The following SHISA5 variants were observed in gnomAD, a reference collection of about 807,000 sequenced individuals.
SHISA5 encodes the protein protein shisa-5.
Under a neutral mutation model 27.5 loss-of-function variants are expected in SHISA5, and 21 were observed. That is an observed-to-expected ratio of 0.76 (90% CI 0.54 to 1.10). The LOEUF is 1.10. SHISA5 is among the 50% of genes least tolerant of loss of function. SHISA5 has a pLI of 0.00. For missense variants in SHISA5, 314 were observed against 336.3 expected (o/e 0.93, Z 0.52); for synonymous variants, 137 against 142.2 (o/e 0.96, Z 0.26).
chr3:48,503,250 AC>A, intron 1 of SHISA5: 5 of 1,112,028 alleles, frequency 4.5e-6, no homozygotes, highest in Middle Eastern at 4.5e-4. Context: ...ATGCTCTCTG[AC>A]CCCCAGACCT....
In SHISA5 at chr3:48,467,994, T is replaced by G; in HGVS notation, c.*1113A>C. 3.6e-6 allele frequency: 1 copy of G among 280,344 alleles called. No individual in the cohort carries two copies. Among genetic ancestry groups the G allele is most frequent in the Non-Finnish European group, 6.1e-6 (1 of 164,802 alleles). 17.4% of individuals were successfully genotyped at this position (280,344 alleles called of 1,614,324 possible). A position where few individuals can be genotyped will look rare whatever the true frequency, so the allele number is the denominator to read the frequency against. On this transcript the variant is annotated 3_prime_UTR_variant, in exon 6 of 6. Coordinates refer to ENST00000296444, the MANE Select transcript of SHISA5 (RefSeq NM_016479.6). ...TAGAGGGAGGAGGAACACGAGGTAT[T>G]CATGTCTGGGCCAGAGCTGCCATCC...
Position 48,473,441 on chromosome 3 carries a change from G to GT in SHISA5, c.315-3599dup, listed in dbSNP as rs2040716149. 1 of 1,298,494 alleles carries GT rather than the reference G, an allele frequency of 7.7e-7. No homozygotes were observed. The highest frequency in any genetic ancestry group is 1.5e-5 in the African/African-American group (1 of 66,210). 80.4% of individuals were successfully genotyped at this position (1,298,494 alleles called of 1,614,324 possible). ...CACTTCCACCTAACCCACCGGCCCT[G>GT]TTCCACCAGCCTCCAGGAGGAGCTT... is the stretch of plus-strand genomic sequence containing the variant. On this transcript the variant is annotated intron_variant, in intron 3 of 5. Transcript: ENST00000296444. The surrounding 1 kb of genome is among the most constrained non-coding windows in gnomAD (Gnocchi z 4.3).
rs760911873 is a variant in SHISA5, at chr3:48,501,090, G to C, written c.233+47C>G. ...TCTCTCTTCCACATACTCTCCTGTG[G>C]GGCACAGGCTCAAGCCACCCACCCT... is the stretch of plus-strand genomic sequence containing the variant. On this transcript the variant is annotated intron_variant, in intron 2 of 5. Coordinates refer to ENST00000296444, the MANE Select transcript of SHISA5 (RefSeq NM_016479.6). The C allele has an allele frequency of 3.0e-5, 47 of 1,560,340 alleles. No individual in the cohort carries two copies. The African/African-American group carries it at 6.0e-4, about 20-fold the overall frequency.
At chr3:48,479,959 G>C (rs146929144) in intron 2 of SHISA5, among the ~76,000 whole-genome samples, 1 of 145,040 alleles carries the variant, frequency 6.9e-6, no homozygotes, top group Non-Finnish European at 1.5e-5. Context: ...GCTGGAGTGC[G>C]GTGGCGCGAT....
At chr3:48,486,442 A>AATAT (rs2041242978) in intron 2 of SHISA5, among the ~76,000 whole-genome samples, 1 of 102,744 alleles carries the variant, frequency 9.7e-6, no homozygotes, top group Non-Finnish European at 1.8e-5. Context: ...ATATATTTAT[A>AATAT]ATATTATATA....
In SHISA5 at chr3:48,470,502, A is replaced by C. The variant is rs566371845; in HGVS notation, c.315-659T>G. Among the ~76,000 whole-genome samples the C allele has an allele frequency of 1.3e-5, 2 of 152,032 alleles. No homozygotes were observed. Among genetic ancestry groups the C allele is most frequent in the African/African-American group, 4.8e-5 (2 of 41,402 alleles). On this transcript the variant is annotated intron_variant, in intron 3 of 5. Coordinates refer to ENST00000296444, the MANE Select transcript of SHISA5 (RefSeq NM_016479.6). The surrounding 1 kb of genome is among the most constrained non-coding windows in gnomAD (Gnocchi z 4.3). Reference sequence around the variant, plus strand: ...GGTCACACACACCCCTGGGTCCCCCACCTCTGACCTGCATGGCCACTTCCA... The same window carrying C: ...GGTCACACACACCCCTGGGTCCCCCCCCTCTGACCTGCATGGCCACTTCCA...
In SHISA5 at chr3:48,473,224, G is replaced by A; in HGVS notation, c.315-3381C>T. ...GGCCCCGCCCAGCAGCCGGCTAGCAGCCAAGGAGCCAAGGGGCGGGGGCCG... is the reference window on the plus strand; with the variant it reads ...GGCCCCGCCCAGCAGCCGGCTAGCAACCAAGGAGCCAAGGGGCGGGGGCCG... On this transcript the variant is annotated intron_variant, in intron 3 of 5. Coordinates refer to ENST00000296444, the MANE Select transcript of SHISA5 (RefSeq NM_016479.6). The surrounding 1 kb of genome is among the most constrained non-coding windows in gnomAD (Gnocchi z 4.3). 2.1e-6 allele frequency: 3 copies of A among 1,426,988 alleles called. No individual in the cohort carries two copies. 88.4% of individuals were successfully genotyped at this position (1,426,988 alleles called of 1,614,324 possible). A position where few individuals can be genotyped will look rare whatever the true frequency, so the allele number is the denominator to read the frequency against.
chr3:48,485,021 C>G (rs1167961075), intron 2 of SHISA5, among the ~76,000 whole-genome samples: 2 of 151,858 alleles, frequency 1.3e-5, no homozygotes, highest in African/African-American at 4.8e-5. Flanking sequence ...GGTGAGACCC[C>G]TTCTCTACAA....
At chr3:48,486,266 T>TA (rs2041222474) in intron 2 of SHISA5, among the ~76,000 whole-genome samples, 1 of 752 alleles carries the variant, frequency 1.3e-3, no homozygotes, top group Non-Finnish European at 2.3e-3. Flanking sequence ...ATATAATACA[T>TA]TATGTTATAT....
chr3:48,503,685 C>T, intron 1 of SHISA5: 1 of 1,134,434 alleles, frequency 8.8e-7, no homozygotes, highest in East Asian at 4.8e-5. Flanking sequence ...CGCCCTGCAG[C>T]CACCCGCCAG....
In SHISA5 at chr3:48,479,227, C is replaced by G; in HGVS notation, c.264G>C (p.Gln88His). 6.7e-7 allele frequency: 1 copy of G among 1,484,936 alleles called. No homozygotes were observed. Among genetic ancestry groups the G allele is most frequent in the Non-Finnish European group, 9.0e-7 (1 of 1,114,544 alleles). The allele number at this position is 1,484,936 out of a possible 1,614,324, so 92.0% of individuals were successfully genotyped here. ...GGCGAAACCTCAGCGCCGAGCCCAGCTGCTCCACCGGCTCTACACTGGCAG... is the reference window on the plus strand; with the variant it reads ...GGCGAAACCTCAGCGCCGAGCCCAGGTGCTCCACCGGCTCTACACTGGCAG... ...SVPASVEPVE[Q>H]LGSALRFRPG... The change falls in exon 3 of 6, where the codon CAG becomes CAC. Residue 88 changes from glutamine (Q) to histidine (H), a missense_variant. By Grantham distance (24) the Gln-to-His change is conservative. Coordinates refer to ENST00000296444, the MANE Select transcript of SHISA5 (RefSeq NM_016479.6).
chr3:48,504,248 AG>A (rs2041839794), upstream of SHISA5: 1 of 331,894 alleles, frequency 3.0e-6, no homozygotes, highest in South Asian at 1.5e-4. This position sits in a 1 kb window ranked among gnomAD's most constrained non-coding sequence, Gnocchi z 4.0. Flanking sequence ...GAGGAGGAGG[AG>A]GGAGGAGGAG....
At chr3:48,488,502 C>T in intron 2 of SHISA5, among the ~76,000 whole-genome samples, 1 of 146,402 alleles carries the variant, frequency 6.8e-6, no homozygotes, top group Non-Finnish European at 1.5e-5. Flanking sequence ...GCTGGGATTA[C>T]AGGCGTGAGC....
intron 2 of SHISA5, among the ~76,000 whole-genome samples, chr3:48,497,864 T>G (rs1235411767): frequency 6.8e-6 from 1 of 147,822 alleles, no homozygotes; most frequent in Admixed American, 6.7e-5. Flanking sequence ...CACTCCAGCC[T>G]GGGCAACAGA....
upstream of SHISA5, chr3:48,504,445 G>C (rs2041844743): frequency 4.7e-6 from 1 of 211,046 alleles, no homozygotes; most frequent in Non-Finnish European, 9.4e-6. This position sits in a 1 kb window ranked among gnomAD's most constrained non-coding sequence, Gnocchi z 4.0. Context: ...GGGCGGCGGC[G>C]GCCCCCAGCT....
chr3:48,480,678 G>C (rs1464806829), intron 2 of SHISA5, among the ~76,000 whole-genome samples: 1 of 151,680 alleles, frequency 6.6e-6, no homozygotes, highest in African/African-American at 2.4e-5. Flanking sequence ...AGAATCGCTT[G>C]AACCCAGGAG....
chr3:48,502,386 G>A (rs1280045707), intron 1 of SHISA5: 1 of 456,748 alleles, frequency 2.2e-6, no homozygotes, highest in Non-Finnish European at 4.4e-6. Flanking sequence ...GGAAATGTCT[G>A]TGCCTTCCAG....
At chr3:48,480,797 A>G (rs887858852) in intron 2 of SHISA5, among the ~76,000 whole-genome samples, 4 of 152,174 alleles carry the variant, frequency 2.6e-5, no homozygotes, top group African/African-American at 9.7e-5. Context: ...AGGAATGGTT[A>G]AAAATAAATG....
chr3:48,476,923 G>T, intron 3 of SHISA5: 1 of 362,766 alleles, frequency 2.8e-6, no homozygotes, highest in Non-Finnish European at 5.4e-6. Flanking sequence ...CACGGCGGCA[G>T]CTGGGCTAAC....
Sources: allele counts gnomAD v4.1 joint callset (sites outside exome capture counted in the v4.1 genomes callset), GRCh38; gene constraint gnomAD v4.1.1; non-coding constraint Gnocchi (gnomAD v3.1); transcripts MANE v1.5; gene names NCBI Gene and HGNC (gene_info 2026-07-23, HGNC 2026-07-21).